Variants in USP54 observed in about 807,000 individuals in gnomAD.
The protein encoded by USP54 is ubiquitin carboxyl-terminal hydrolase 54.
USP54 carries 87 observed loss-of-function variants against 170.5 expected under a neutral mutation model. The ratio of observed to expected loss-of-function variants is 0.51; its 90% CI spans 0.43 to 0.61. The LOEUF (loss-of-function observed/expected upper bound fraction) is 0.61, where lower values mean the gene tolerates loss of function less well. Among genes scored for constraint, USP54 ranks in the 20% least tolerant of loss-of-function variants. The probability of loss-of-function intolerance (pLI) is 0.00; values close to 1 mark genes in which losing one functional copy is unlikely to be tolerated. For synonymous variants in USP54, 655 were observed against 742.8 expected (o/e 0.88, Z 1.92); for missense variants, 1,786 against 2,047.8 (o/e 0.87, Z 2.47).
intron 12 of USP54, among the ~76,000 whole-genome samples, chr10:73,532,411 G>A (rs1408500708): frequency 6.6e-6 from 1 of 152,004 alleles, no homozygotes; most frequent in Admixed American, 6.6e-5. Context: ...TCCTGACCTC[G>A]TGATCCACCC....
At chr10:73,616,817 T>A (rs1390555693) in intron 1 of USP54, among the ~76,000 whole-genome samples, 7 of 150,004 alleles carry the variant, frequency 4.7e-5, no homozygotes, top group Admixed American at 4.6e-4. Flanking sequence ...AGAGAGAGAC[T>A]CTGTCTCAAA....
rs762030073 is a variant in USP54, at chr10:73,519,933, C to T, written c.2542G>A (p.Asp848Asn). ...CGAATACTGATTTGCAACTTCTTATCGACTAGGGCTCTGCTGTGCGTGCTA... is the reference window on the plus strand; with the variant it reads ...CGAATACTGATTTGCAACTTCTTATTGACTAGGGCTCTGCTGTGCGTGCTA... ...SCSTHSRALVDKKLQISIRKA... is the reference protein window; with the variant it reads ...SCSTHSRALVNKKLQISIRKA... The change falls in exon 19 of 24, where the codon GAT (aspartate) becomes AAT (asparagine). Residue 848 changes from aspartate to asparagine, a missense_variant. Around this residue, in one of 3 missense-constraint regions of USP54, gnomAD observed 1,418 missense variants for 1,569.0 expected, o/e 0.90. Transcript: ENST00000687698. 14 of 1,613,654 alleles carry T rather than the reference C, an allele frequency of 8.7e-6. No homozygotes were observed. The highest frequency in any genetic ancestry group is 1.1e-5 in the South Asian group (1 of 90,978).
At chr10:73,580,943 G>A (rs534244345) in intron 1 of USP54, among the ~76,000 whole-genome samples, 2 of 152,270 alleles carry the variant, frequency 1.3e-5, no homozygotes, top group African/African-American at 2.4e-5. Flanking sequence ...AGGCTATATC[G>A]TATAGTCTAG....
chr10:73,610,753 A>C (rs1259343888), intron 1 of USP54, among the ~76,000 whole-genome samples: 1 of 152,220 alleles, frequency 6.6e-6, no homozygotes, highest in Non-Finnish European at 1.5e-5. Context: ...GCAAGAATAC[A>C]ATATAGCCTT....
intron 4 of USP54, among the ~76,000 whole-genome samples, chr10:73,553,992 T>A (rs978440549): frequency 1.3e-5 from 2 of 152,190 alleles, no homozygotes; most frequent in African/African-American, 4.8e-5. Flanking sequence ...GTAAATAAGA[T>A]AGAAGTGCCA....
intron 3 of USP54, 54 bp from the exon 4 acceptor site, chr10:73,571,567 TTAAAG>T (rs2075206901): frequency 6.8e-6 from 10 of 1,463,728 alleles, no homozygotes; most frequent in African/African-American, 1.4e-5. Flanking sequence ...CCATTTAATT[TTAAAG>T]TAAAGAGTTC....
Position 73,498,578 on chromosome 10 carries a change from G to A in USP54, c.*51C>T. The A allele has an allele frequency of 6.7e-7, 1 of 1,496,346 alleles. No homozygotes were observed. The highest frequency in any genetic ancestry group is 8.9e-7 in the Non-Finnish European group (1 of 1,120,592). 92.7% of individuals were successfully genotyped at this position (1,496,346 alleles called of 1,614,324 possible). A position where few individuals can be genotyped will look rare whatever the true frequency, so the allele number is the denominator to read the frequency against. ...TGTGAGCCACCGCGCCCGGCCCACA[G>A]TACAGTTTTACAAAGAAAGGTGTAG... On this transcript the variant is annotated 3_prime_UTR_variant, in exon 24 of 24. Coordinates refer to ENST00000687698, the MANE Select transcript of USP54 (RefSeq NM_001391956.1).
intron 20 of USP54, among the ~76,000 whole-genome samples, chr10:73,509,261 A>G (rs1284462161): frequency 6.6e-6 from 1 of 151,442 alleles, no homozygotes. Context: ...ATATTAAGAG[A>G]TTATTGTTAA....
rs1284269675 is a variant in USP54 at position 73,519,879 on chromosome 10, G to A, written c.2596C>T (p.Gln866Ter). The change falls in exon 19 of 24, where the codon CAG (glutamine) becomes TAG (stop). Residue 866 changes from glutamine to a stop codon, truncating the protein, a stop_gained. Coordinates refer to ENST00000687698, the MANE Select transcript of USP54 (RefSeq NM_001391956.1). LOFTEE classifies it high-confidence loss of function. ...GGCTGCTGTGGTGATTGCTGCTGCT[G>A]CATGCGATCCTGCAGGCTCCGTGCT... Reference protein sequence around the residue: ...RKARSLQDRMQQQQSPQQPSQ... With the variant: ...RKARSLQDRM 1.2e-6 allele frequency: 2 copies of A among 1,614,146 alleles called. No homozygotes were observed. Among genetic ancestry groups the A allele is most frequent in the Non-Finnish European group, 1.7e-6 (2 of 1,180,030 alleles).
At chr10:73,504,620 C>G in intron 22 of USP54, 1 of 583,762 alleles carries the variant, frequency 1.7e-6, no homozygotes, top group Non-Finnish European at 3.0e-6. Flanking sequence ...CCCAGGAAAC[C>G]CTACAACACG....
intron 1 of USP54, among the ~76,000 whole-genome samples, chr10:73,604,711 C>T (rs1401996504): frequency 6.6e-6 from 1 of 151,972 alleles, no homozygotes; most frequent in East Asian, 1.9e-4. Context: ...CTGCCTCAGC[C>T]TCCCAAGCAG....
chr10:73,519,775 T>C lies in USP54; in HGVS notation c.2678+22A>G, dbSNP rs376008063. ...ATTTCTTCCCCTGGCATTCATAAACTAACATGGTTCCCAAGCACTACCTTG... is the reference window on the plus strand; with the variant it reads ...ATTTCTTCCCCTGGCATTCATAAACCAACATGGTTCCCAAGCACTACCTTG... On this transcript the variant is annotated intron_variant, in intron 19 of 23. Transcript: ENST00000687698. The C allele has an allele frequency of 3.1e-6, 5 of 1,613,214 alleles. No individual in the cohort carries two copies. In the East Asian group the frequency reaches 8.9e-5, roughly 29 times the overall value.
intron 4 of USP54, among the ~76,000 whole-genome samples, chr10:73,562,344 T>G (rs1423524005): frequency 6.6e-6 from 1 of 151,824 alleles, no homozygotes; most frequent in Non-Finnish European, 1.5e-5. Flanking sequence ...AATAGAAAAA[T>G]AAACCACGAG....
At chr10:73,510,068 G>A in intron 20 of USP54, among the ~76,000 whole-genome samples, 1 of 151,886 alleles carries the variant, frequency 6.6e-6, no homozygotes. Context: ...TATGTGTGGT[G>A]GCTCACGCCT....
intron 8 of USP54, 24 bp from the exon 9 acceptor site, chr10:73,541,545 T>C (rs1564761184): frequency 6.2e-7 from 1 of 1,613,792 alleles, no homozygotes; most frequent in East Asian, 2.2e-5. Context: ...ATAAGGCTAG[T>C]TCAACATGTT....
Position 73,526,861 on chromosome 10 carries a change from A to ATC in USP54, c.2061-82_2061-81insGA, listed in dbSNP as rs1334644027. On this transcript the variant is annotated intron_variant, in intron 15 of 23. Transcript: ENST00000687698. ...TCCTAGGACTAAATCTCTCTCTCAA[A>ATC]AAAAAAAAATCAAACTACACAATTA... The ATC allele has an allele frequency of 2.7e-6, 4 of 1,483,746 alleles. No homozygotes were observed. The African/African-American group carries it at 5.7e-5, about 21-fold the overall frequency. 91.9% of individuals were successfully genotyped at this position (1,483,746 alleles called of 1,614,324 possible). A position where few individuals can be genotyped will look rare whatever the true frequency, so the allele number is the denominator to read the frequency against.
intron 9 of USP54, among the ~76,000 whole-genome samples, chr10:73,539,923 C>T (rs891853240): frequency 1.3e-5 from 2 of 151,234 alleles, no homozygotes; most frequent in Admixed American, 6.6e-5. Flanking sequence ...GTCAGGTATT[C>T]GAGACCAGCC....
At chr10:73,587,392 G>C in intron 1 of USP54, among the ~76,000 whole-genome samples, 1 of 152,130 alleles carries the variant, frequency 6.6e-6, no homozygotes, top group East Asian at 1.9e-4. Flanking sequence ...GGAGAATGGC[G>C]TGAACCTGGG....
upstream of USP54, among the ~76,000 whole-genome samples, chr10:73,595,976 T>A (rs995133649): frequency 6.6e-6 from 1 of 151,884 alleles, no homozygotes; most frequent in African/African-American, 2.4e-5. Flanking sequence ...CTGGGCATGG[T>A]GGCGTGTGCC....
Sources: allele counts gnomAD v4.1 joint callset (sites outside exome capture counted in the v4.1 genomes callset), GRCh38; gene constraint gnomAD v4.1.1; regional missense constraint gnomAD v4.1.1; transcripts MANE v1.5; gene names NCBI Gene and HGNC (gene_info 2026-07-23, HGNC 2026-07-21).